CSMD1: variants seen among roughly 807,000 people sequenced by gnomAD.
CSMD1 encodes CUB and Sushi multiple domains 1.
A neutral mutation model predicts 417.5 loss-of-function variants in CSMD1; 213 were observed. The observed-to-expected ratio is 0.51, with a 90% confidence interval of 0.46 to 0.57. CSMD1 has a LOEUF of 0.57. Among genes scored for constraint, CSMD1 ranks in the 20% least tolerant of loss-of-function variants. CSMD1 has a pLI of 0.00. For synonymous variants in CSMD1, 2,862 were observed against 1,736.8 expected (o/e 1.65, Z -16.11); for missense variants, 6,923 against 4,529.7 (o/e 1.53, Z -15.17).
chr8:3,754,134 T>A, intron 5 of CSMD1, 92 bp from the exon 6 acceptor site: 1 of 733,306 alleles, frequency 1.4e-6, no homozygotes, highest in Non-Finnish European at 2.3e-6. Flanking sequence ...ATTACTTAAA[T>A]CCTTCATCTT....
chr8:4,098,936 G>GA (rs1801163191), intron 3 of CSMD1, among the ~76,000 whole-genome samples: 1 of 152,080 alleles, frequency 6.6e-6, no homozygotes, highest in Middle Eastern at 3.2e-3. Flanking sequence ...GTACAACACA[G>GA]AAAAAATGTT....
Position 3,524,031 on chromosome 8 carries a change from A to G in CSMD1, c.1345-30305T>C, listed in dbSNP as rs540761270. 6.3e-3 allele frequency among the ~76,000 whole-genome samples: 712 copies of G among 113,592 alleles called. 4 individuals carry two copies. Among genetic ancestry groups the G allele is most frequent in the South Asian group, 0.04 (130 of 3,246 alleles). The allele number at this position is 113,592 out of a possible 152,430, so 74.5% of individuals were successfully genotyped here. On this transcript the variant is annotated intron_variant, in intron 10 of 69. Transcript: ENST00000635120. ...CACATGTGCACGTGCACACACACAC[A>G]CATGCACACCCAGAGACACGTGCAC...
At chr8:3,536,970 T>C (rs554930209) in intron 10 of CSMD1, among the ~76,000 whole-genome samples, 4 of 152,280 alleles carry the variant, frequency 2.6e-5, no homozygotes, top group East Asian at 3.9e-4. Flanking sequence ...ACATGCAACA[T>C]TGTGCAACAA....
At chr8:4,046,887 G>C (rs1233833050) in intron 3 of CSMD1, among the ~76,000 whole-genome samples, 1 of 152,088 alleles carries the variant, frequency 6.6e-6, no homozygotes, top group Admixed American at 6.5e-5. Flanking sequence ...ATGTGACAAT[G>C]AGGCCATCTA....
chr8:3,552,719 A>G (rs1798971383), intron 10 of CSMD1, among the ~76,000 whole-genome samples: 1 of 152,238 alleles, frequency 6.6e-6, no homozygotes, highest in South Asian at 2.1e-4. Flanking sequence ...CTACGAAATT[A>G]TCTACGTAAA....
At chr8:4,814,196 T>TTG (rs35824182) in intron 1 of CSMD1, among the ~76,000 whole-genome samples, 13,386 of 149,740 alleles carry the variant, frequency 0.089, 621 homozygotes, top group African/African-American at 0.12. Context: ...CAGAATGATT[T>TTG]TGTGTGTGTG....
chr8:3,588,771 CAACA>C (rs1455078288), intron 8 of CSMD1, among the ~76,000 whole-genome samples: 13 of 152,008 alleles, frequency 8.6e-5, no homozygotes, highest in Non-Finnish European at 1.3e-4. Flanking sequence ...GTAAAGGAAA[CAACA>C]AACAGAGTGA....
At chr8:4,429,108 T>C (rs1223967896) in intron 2 of CSMD1, among the ~76,000 whole-genome samples, 1 of 151,802 alleles carries the variant, frequency 6.6e-6, no homozygotes, top group African/African-American at 2.4e-5. Context: ...TGATTACTAC[T>C]GGTAATCAGT....
At chr8:3,295,807 T>C (rs1403905447) in intron 25 of CSMD1, among the ~76,000 whole-genome samples, 1 of 152,212 alleles carries the variant, frequency 6.6e-6, no homozygotes, top group African/African-American at 2.4e-5. Context: ...TTTAAATTAC[T>C]TTCCCTGATC....
At chr8:4,391,240 C>A in intron 3 of CSMD1, among the ~76,000 whole-genome samples, 1 of 152,144 alleles carries the variant, frequency 6.6e-6, no homozygotes, top group Non-Finnish European at 1.5e-5. Context: ...GCAAAGACAG[C>A]CACCATAACT....
At chr8:3,309,685 T>C (rs1256083535) in intron 23 of CSMD1, among the ~76,000 whole-genome samples, 1 of 152,150 alleles carries the variant, frequency 6.6e-6, no homozygotes, top group Non-Finnish European at 1.5e-5. Context: ...CCACCAAACT[T>C]TGAATGCTTT....
chr8:4,592,712 T>C (rs890139063), intron 2 of CSMD1, among the ~76,000 whole-genome samples: 2 of 152,152 alleles, frequency 1.3e-5, no homozygotes, highest in Non-Finnish European at 1.5e-5. Flanking sequence ...TGATGACATT[T>C]ATAAAGCTCA....
intron 17 of CSMD1, among the ~76,000 whole-genome samples, chr8:3,392,187 C>A (rs966350558): frequency 6.6e-6 from 1 of 151,952 alleles, no homozygotes; most frequent in African/African-American, 2.4e-5. Context: ...ACCACATCAA[C>A]ATGGCACATG....
At chr8:4,217,551 G>T (rs1189323211) in intron 3 of CSMD1, among the ~76,000 whole-genome samples, 1 of 152,110 alleles carries the variant, frequency 6.6e-6, no homozygotes, top group African/African-American at 2.4e-5. Context: ...CTTGAATAAG[G>T]AAGGCTTTAC....
chr8:3,989,991 G>A (rs563079400), intron 5 of CSMD1, among the ~76,000 whole-genome samples: 28 of 152,306 alleles, frequency 1.8e-4, no homozygotes, highest in Admixed American at 4.6e-4. Context: ...TGTACAATTG[G>A]AACACGAGGA....
chr8:3,374,622 G>T (rs1461461384), intron 18 of CSMD1, among the ~76,000 whole-genome samples: 2 of 152,194 alleles, frequency 1.3e-5, no homozygotes, highest in African/African-American at 4.8e-5. Context: ...TCCACTCCCA[G>T]GATGGTGAGT....
chr8:4,420,426 T>C (rs989554588), intron 2 of CSMD1, among the ~76,000 whole-genome samples: 1 of 152,098 alleles, frequency 6.6e-6, no homozygotes, highest in Non-Finnish European at 1.5e-5. Flanking sequence ...TGCAGGTTTA[T>C]TAGGTAGGTG....
At chr8:4,391,616 G>T (rs953120324) in intron 3 of CSMD1, among the ~76,000 whole-genome samples, 3 of 152,016 alleles carry the variant, frequency 2.0e-5, no homozygotes, top group Non-Finnish European at 2.9e-5. Context: ...TCCAGACCAA[G>T]CAGAGGAAGT....
intron 4 of CSMD1, among the ~76,000 whole-genome samples, chr8:4,006,549 A>G (rs991021742): frequency 6.6e-5 from 10 of 152,118 alleles, no homozygotes; most frequent in Non-Finnish European, 1.3e-4. Flanking sequence ...CCTCAGAATA[A>G]ATAAATAAAT....
Sources: gnomAD v4.1 joint callset for allele counts (sites outside exome capture counted in the v4.1 genomes callset) on GRCh38, gnomAD v4.1.1 for gene constraint, MANE v1.5 for transcripts, NCBI Gene and HGNC (gene_info 2026-07-23, HGNC 2026-07-21) for gene names.